Variants in GRIN3A observed in about 807,000 individuals in gnomAD.
The protein encoded by GRIN3A is glutamate receptor ionotropic, NMDA 3A.
Under a neutral mutation model 92.4 loss-of-function variants are expected in GRIN3A, and 47 were observed. The observed-to-expected ratio is 0.51, with a 90% CI of 0.40 to 0.65. The LOEUF (loss-of-function observed/expected upper bound fraction) is 0.65, where lower values mean the gene tolerates loss of function less well. Ranked by LOEUF, GRIN3A falls within the 30% of genes least tolerant of loss-of-function variation. The pLI, the probability that GRIN3A is intolerant of heterozygous loss-of-function variation, is 0.00. For synonymous variants in GRIN3A, 527 were observed against 540.6 expected, an observed-to-expected ratio of 0.97 and a Z score of 0.35; for missense variants, 1,324 against 1,393.1, an observed-to-expected ratio of 0.95 and a Z score of 0.79.
intron 6 of GRIN3A, among the ~76,000 whole-genome samples, chr9:101,603,946 C>T (rs922525905): frequency 1.4e-4 from 22 of 152,226 alleles, no homozygotes; most frequent in Non-Finnish European, 2.9e-4. Context: ...GAATTATGGC[C>T]TTGTTTGTGT....
intron 1 of GRIN3A, among the ~76,000 whole-genome samples, chr9:101,725,912 C>T (rs1830077827): frequency 6.6e-6 from 1 of 152,202 alleles, no homozygotes; most frequent in Admixed American, 6.6e-5. Flanking sequence ...TGTAGTCAGT[C>T]TCTAATCTTA....
intron 2 of GRIN3A, among the ~76,000 whole-genome samples, chr9:101,685,408 C>G (rs1031153424): frequency 1.4e-5 from 2 of 146,512 alleles, no homozygotes; most frequent in African/African-American, 5.0e-5. Flanking sequence ...TAGTCCTCAA[C>G]ATAGTCAGAT....
chr9:101,671,710 T>C (rs1346843344), intron 2 of GRIN3A, among the ~76,000 whole-genome samples: 1 of 152,168 alleles, frequency 6.6e-6, no homozygotes, highest in Non-Finnish European at 1.5e-5. Flanking sequence ...GTGAGGCTAG[T>C]TGAAGCTGCA....
chr9:101,609,298 G>A (rs1253182842), intron 6 of GRIN3A, among the ~76,000 whole-genome samples: 6 of 152,156 alleles, frequency 3.9e-5, no homozygotes, highest in Non-Finnish European at 5.9e-5. Flanking sequence ...GCCATAGAAA[G>A]ACACCTGAAG....
At chr9:101,733,629 C>T (rs969605971) in intron 1 of GRIN3A, among the ~76,000 whole-genome samples, 1 of 152,192 alleles carries the variant, frequency 6.6e-6, no homozygotes, top group African/African-American at 2.4e-5. Flanking sequence ...CTGGTCCCCT[C>T]ATGAGGTACC....
At chr9:101,688,546 G>A (rs962591254) in intron 1 of GRIN3A, among the ~76,000 whole-genome samples, 1 of 152,154 alleles carries the variant, frequency 6.6e-6, no homozygotes, top group Admixed American at 6.6e-5. Flanking sequence ...GGAATTAGAA[G>A]CCCCTCAAGA....
intron 3 of GRIN3A, among the ~76,000 whole-genome samples, chr9:101,646,350 A>G (rs1828937635): frequency 6.6e-6 from 1 of 151,490 alleles, no homozygotes; most frequent in South Asian, 2.1e-4. Context: ...ATGCATTGAA[A>G]CAATATACAC....
intron 3 of GRIN3A, among the ~76,000 whole-genome samples, chr9:101,631,401 A>G (rs1828708250): frequency 6.6e-6 from 1 of 152,226 alleles, no homozygotes; most frequent in Admixed American, 6.5e-5. Flanking sequence ...CATTAATTAA[A>G]ATACCTTTCT....
chr9:101,676,457 G>GA, intron 2 of GRIN3A, among the ~76,000 whole-genome samples: 2 of 151,680 alleles, frequency 1.3e-5, no homozygotes, highest in South Asian at 4.2e-4. Flanking sequence ...CTTATATCTT[G>GA]AAAACTAAGC....
At chr9:101,634,928 C>T (rs1828765428) in intron 3 of GRIN3A, among the ~76,000 whole-genome samples, 1 of 152,164 alleles carries the variant, frequency 6.6e-6, no homozygotes, top group South Asian at 2.1e-4. Flanking sequence ...TACTCATGCT[C>T]TGAATATTAG....
chr9:101,593,269 A>G (rs1425479951), intron 6 of GRIN3A: 1 of 152,238 alleles, frequency 6.6e-6, no homozygotes, highest in Non-Finnish European at 1.5e-5. Flanking sequence ...GGCTCACCCA[A>G]TGGTGGAGAT....
chr9:101,672,877 T>C (rs1480683326), intron 2 of GRIN3A, among the ~76,000 whole-genome samples: 1 of 152,192 alleles, frequency 6.6e-6, no homozygotes, highest in East Asian at 1.9e-4. Context: ...AGTTTTCTGC[T>C]TCTTTAGAGA....
chr9:101,600,431 A>G (rs1828196505), intron 6 of GRIN3A, among the ~76,000 whole-genome samples: 1 of 152,140 alleles, frequency 6.6e-6, no homozygotes, highest in East Asian at 1.9e-4. Flanking sequence ...TACAGTTTTG[A>G]TGGGAAGATG....
At chr9:101,600,665 G>T (rs1338222644) in intron 6 of GRIN3A, among the ~76,000 whole-genome samples, 1 of 152,156 alleles carries the variant, frequency 6.6e-6, no homozygotes, top group Non-Finnish European at 1.5e-5. Context: ...AGGCCCTAGG[G>T]CAGGAGGAAC....
chr9:101,573,052 T>C lies in GRIN3A; in HGVS notation c.*122A>G, dbSNP rs1827780687. ...TAGGCGAGGGAGAGCAGACTTGACC[T>C]TTAAGAAGACCTAGACCTCAGCTTC... On this transcript the variant is annotated 3_prime_UTR_variant, in exon 9 of 9. Coordinates refer to ENST00000361820, the MANE Select transcript of GRIN3A (RefSeq NM_133445.3). 1.3e-5 allele frequency: 11 copies of C among 865,154 alleles called. No homozygotes were observed. The allele number at this position is 865,154 out of a possible 1,614,324, so 53.6% of individuals were successfully genotyped here. A position where few individuals can be genotyped will look rare whatever the true frequency, so the allele number is the denominator to read the frequency against.
intron 6 of GRIN3A, among the ~76,000 whole-genome samples, chr9:101,611,097 CAAA>C (rs58762561): frequency 9.5e-6 from 1 of 104,922 alleles, no homozygotes. Flanking sequence ...GAGTCTGTCT[CAAA>C]AAAAAAAAAA....
intron 6 of GRIN3A, among the ~76,000 whole-genome samples, chr9:101,599,749 T>C (rs1828186898): frequency 6.6e-6 from 1 of 152,082 alleles, no homozygotes; most frequent in Admixed American, 6.5e-5. Flanking sequence ...GAAATGGAAA[T>C]GAGACCTGAG....
chr9:101,595,315 A>C (rs1052395172), intron 6 of GRIN3A, among the ~76,000 whole-genome samples: 1 of 121,518 alleles, frequency 8.2e-6, no homozygotes, highest in Non-Finnish European at 1.8e-5. Flanking sequence ...TTATCTACTT[A>C]TTTCTTTTTT....
intron 1 of GRIN3A, among the ~76,000 whole-genome samples, chr9:101,726,811 A>C (rs928230990): frequency 1.3e-5 from 2 of 151,988 alleles, no homozygotes; most frequent in Non-Finnish European, 2.9e-5. Flanking sequence ...TATGGGGTAC[A>C]TAAGATGTTT....
Sources: allele counts gnomAD v4.1 joint callset (sites outside exome capture counted in the v4.1 genomes callset), GRCh38; gene constraint gnomAD v4.1.1; transcripts MANE v1.5; gene names NCBI Gene and HGNC (gene_info 2026-07-23, HGNC 2026-07-21).